DHRS3: variants seen among roughly 807,000 people sequenced by gnomAD.
The protein encoded by DHRS3 is short-chain dehydrogenase/reductase 3.
A neutral mutation model predicts 27.2 loss-of-function variants in DHRS3; 14 were observed. That is an observed-to-expected ratio of 0.52 (90% CI 0.34 to 0.81). The LOEUF (loss-of-function observed/expected upper bound fraction) is 0.81. Among genes scored for constraint, DHRS3 ranks in the 30% least tolerant of loss-of-function variants. DHRS3 has a pLI of 0.01. For missense variants in DHRS3, 322 were observed against 406.2 expected (o/e 0.79, Z 1.78); for synonymous variants, 165 against 175.9 (o/e 0.94, Z 0.49).
chr1:12,582,661 G>A (rs547190175), intron 1 of DHRS3, among the ~76,000 whole-genome samples: 1 of 152,078 alleles, frequency 6.6e-6, no homozygotes, highest in African/African-American at 2.4e-5. Context: ...CCACTCCTCT[G>A]GACCACCCCC....
chr1:12,595,565 C>T (rs953240720), intron 1 of DHRS3, among the ~76,000 whole-genome samples: 29 of 148,234 alleles, frequency 2.0e-4, no homozygotes, highest in Admixed American at 1.8e-3. Flanking sequence ...GTCCTGGGTG[C>T]AGACTGGAGG....
chr1:12,590,382 C>G (rs1646735383), intron 1 of DHRS3, among the ~76,000 whole-genome samples: 1 of 152,210 alleles, frequency 6.6e-6, no homozygotes. Context: ...GTGATCTTGG[C>G]TCACTGAAAC....
intron 1 of DHRS3, among the ~76,000 whole-genome samples, chr1:12,615,462 T>C (rs553906767): frequency 6.6e-6 from 1 of 152,354 alleles, no homozygotes; most frequent in African/African-American, 2.4e-5. Context: ...GGCTCCACTC[T>C]GTACTATCAC....
rs566472418 is a variant in DHRS3 at position 12,580,675 on chromosome 1, A to C, written c.196-9T>G. ...CGGCCCCAGAGAACAATCTGGAAGA[A>C]GATAATAACAACGCAGAACAAATGG... On this transcript the variant is annotated splice_polypyrimidine_tract_variant and intron_variant, in intron 1 of 5. Coordinates refer to ENST00000616661, the MANE Select transcript of DHRS3 (RefSeq NM_004753.7). 1 of 1,610,176 alleles carries C rather than the reference A, an allele frequency of 6.2e-7. No homozygotes were observed. The highest frequency in any genetic ancestry group is 1.1e-5 in the South Asian group (1 of 90,768).
chr1:12,598,572 GT>G (rs1646815227), intron 1 of DHRS3, among the ~76,000 whole-genome samples: 1 of 152,304 alleles, frequency 6.6e-6, no homozygotes, highest in African/African-American at 2.4e-5. Flanking sequence ...CATGAGGCTA[GT>G]TCTGGTCTCT....
intron 4 of DHRS3, among the ~76,000 whole-genome samples, chr1:12,573,917 T>C (rs1409481120): frequency 6.6e-6 from 1 of 152,196 alleles, no homozygotes. Context: ...TCTATCACCT[T>C]TGCTCACTGC....
At chr1:12,568,472 A>T in intron 5 of DHRS3, 48 bp from the exon 6 acceptor site, 1 of 1,588,660 alleles carries the variant, frequency 6.3e-7, no homozygotes, top group Non-Finnish European at 8.6e-7. Flanking sequence ...GTGGGGCAGG[A>T]TCCAGGGGCT....
In DHRS3 at chr1:12,579,282, A is replaced by G. The variant is rs116118271; in HGVS notation, c.459+11T>C. The G allele has an allele frequency of 1.8e-3, 2,891 of 1,614,018 alleles. 53 individuals are homozygous for G. The African/African-American group carries it at 0.035, about 19-fold the overall frequency. On this transcript the variant is annotated intron_variant, in intron 3 of 5. Coordinates refer to ENST00000616661, the MANE Select transcript of DHRS3 (RefSeq NM_004753.7). ...CGCCCGGGGCTGGCTCTGGCCCCGG[A>G]TAGCCCTTACCCAGAACTGGCCCAG...
intron 5 of DHRS3, among the ~76,000 whole-genome samples, chr1:12,569,491 C>T (rs1314971276): frequency 1.3e-5 from 2 of 151,996 alleles, no homozygotes; most frequent in African/African-American, 4.8e-5. Flanking sequence ...AATGGGGTAT[C>T]CATCACCTCA....
At chr1:12,616,443 A>T in intron 1 of DHRS3, 1 of 578,360 alleles carries the variant, frequency 1.7e-6, no homozygotes, top group Non-Finnish European at 2.2e-6. Context: ...GGTGGGCAGG[A>T]CCCTCCTTGC....
Position 12,617,238 on chromosome 1 carries a change from C to A in DHRS3, c.111G>T (p.Ser37=). 3 of 1,613,748 alleles carry A rather than the reference C, an allele frequency of 1.9e-6. No homozygotes were observed. The South Asian group carries it at 3.3e-5, about 18-fold the overall frequency. ...CGCCGGTGATGAGGACGTTCTCCCG[C>A]GACAGGTCCCGCAGCTTGGCGGGCA... ...LVLPAKLRDL[S]RENVLITGGG... is the part of the protein sequence containing the mutation. The change falls in exon 1 of 6, where the codon TCG becomes TCT. Residue 37 remains serine (S), a synonymous_variant. Coordinates refer to ENST00000616661, the MANE Select transcript of DHRS3 (RefSeq NM_004753.7).
chr1:12,579,665 G>C (rs1223530712), intron 2 of DHRS3: 1 of 383,672 alleles, frequency 2.6e-6, no homozygotes, highest in Non-Finnish European at 4.7e-6. Context: ...TAGTAGAGAT[G>C]GGGTTTCACC....
intron 1 of DHRS3, among the ~76,000 whole-genome samples, chr1:12,596,823 C>T (rs1243492896): frequency 6.6e-6 from 1 of 152,150 alleles, no homozygotes; most frequent in Non-Finnish European, 1.5e-5. Context: ...CAGGGCCGGT[C>T]AGAAGCCTCA....
intron 4 of DHRS3, 43 bp from the exon 5 acceptor site, chr1:12,572,896 A>G (rs1646551996): frequency 1.3e-6 from 2 of 1,535,134 alleles, no homozygotes; most frequent in Non-Finnish European, 1.8e-6. Context: ...CTGGAGAGGC[A>G]TGTGCTTATC....
At chr1:12,607,619 A>G (rs1646879929) in intron 1 of DHRS3, among the ~76,000 whole-genome samples, 1 of 152,004 alleles carries the variant, frequency 6.6e-6, no homozygotes, top group African/African-American at 2.4e-5. Flanking sequence ...TTTATAAATT[A>G]CTCAGTCTCT....
At chr1:12,582,998 C>G (rs1179662972) in intron 1 of DHRS3, among the ~76,000 whole-genome samples, 1 of 150,096 alleles carries the variant, frequency 6.7e-6, no homozygotes, top group Non-Finnish European at 1.5e-5. Context: ...CCATCCCTCA[C>G]CTACCCCACT....
chr1:12,583,590 TATCCATCCATCCATCC>T (rs111034356), intron 1 of DHRS3, among the ~76,000 whole-genome samples: 10 of 94,846 alleles, frequency 1.1e-4, no homozygotes, highest in South Asian at 8.6e-4. Context: ...CTCACCTACT[TATCCATCCATCCATCC>T]ATCCATCCAT....
intron 4 of DHRS3, among the ~76,000 whole-genome samples, chr1:12,576,512 A>T (rs185826018): frequency 1.0e-3 from 154 of 151,896 alleles, no homozygotes; most frequent in African/African-American, 3.6e-3. Context: ...CAGTGAGCCG[A>T]GATGGCACCA....
At chr1:12,576,722 C>A (rs557553341) in intron 4 of DHRS3, among the ~76,000 whole-genome samples, 2 of 151,770 alleles carry the variant, frequency 1.3e-5, no homozygotes, top group South Asian at 4.2e-4. Flanking sequence ...GTCTAGACTC[C>A]TCGAAATTCA....
Sources: allele counts gnomAD v4.1 joint callset (sites outside exome capture counted in the v4.1 genomes callset), GRCh38; gene constraint gnomAD v4.1.1; transcripts MANE v1.5; gene names NCBI Gene and HGNC (gene_info 2026-07-23, HGNC 2026-07-21).